Variants in LRRTM4 observed in about 807,000 individuals in gnomAD.
LRRTM4 encodes the protein leucine-rich repeat transmembrane neuronal protein 4.
A neutral mutation model predicts 47.6 loss-of-function variants in LRRTM4; 25 were observed. The ratio of observed to expected loss-of-function variants is 0.53; its 90% CI spans 0.38 to 0.73. LRRTM4 has a LOEUF of 0.73. Among genes scored for constraint, LRRTM4 ranks in the 30% least tolerant of loss-of-function variants. LRRTM4 has a pLI of 0.00. For missense variants in LRRTM4, 638 were observed against 713.4 expected (o/e 0.89, Z 1.20); for synonymous variants, 311 against 269.5 (o/e 1.15, Z -1.51).
intron 3 of LRRTM4, among the ~76,000 whole-genome samples, chr2:76,881,939 T>A (rs1447549306): frequency 5.9e-5 from 9 of 151,892 alleles, no homozygotes; most frequent in Non-Finnish European, 1.0e-4. Flanking sequence ...TGAATCTCTT[T>A]ACTTAACTTC....
At chr2:77,487,493 A>C (rs1677964720) in intron 3 of LRRTM4, among the ~76,000 whole-genome samples, 1 of 152,126 alleles carries the variant, frequency 6.6e-6, no homozygotes. Flanking sequence ...CCACGAACGC[A>C]GGAGAGAAGC....
Position 76,830,106 on chromosome 2 carries a change from A to C in LRRTM4, c.1552-81190T>G, listed in dbSNP as rs376882481. On this transcript the variant is annotated intron_variant, in intron 3 of 3. Transcript: ENST00000409884. ...TTCCCCAACAGAAAAAAAACACCTC[A>C]TCATTTTACATGTCAGAAGTAACAG... 2.5e-3 allele frequency among the ~76,000 whole-genome samples: 374 copies of C among 152,144 alleles called. 1 individual carries two copies. Among genetic ancestry groups the C allele is most frequent in the African/African-American group, 8.5e-3 (355 of 41,532 alleles).
chr2:77,153,728 T>C (rs1672487752), intron 3 of LRRTM4, among the ~76,000 whole-genome samples: 1 of 152,148 alleles, frequency 6.6e-6, no homozygotes, highest in African/African-American at 2.4e-5. Flanking sequence ...GATTTTTACC[T>C]AGGGGAAAAC....
intron 3 of LRRTM4, among the ~76,000 whole-genome samples, chr2:77,041,757 T>C (rs893515149): frequency 6.9e-6 from 1 of 145,778 alleles, no homozygotes; most frequent in Non-Finnish European, 1.6e-5. Context: ...TTCTTTTTGC[T>C]AGTGAATTGT....
At chr2:76,941,997 T>A (rs1282595094) in intron 3 of LRRTM4, among the ~76,000 whole-genome samples, 4 of 152,106 alleles carry the variant, frequency 2.6e-5, no homozygotes, top group Admixed American at 2.6e-4. Context: ...TTTTTAATGA[T>A]CCCCATTCTA....
At chr2:77,065,672 A>G (rs767741524) in intron 3 of LRRTM4, among the ~76,000 whole-genome samples, 46 of 152,286 alleles carry the variant, frequency 3.0e-4, no homozygotes, top group Non-Finnish European at 6.0e-4. Flanking sequence ...TAGGAAACAG[A>G]GTGTAACACA....
intron 3 of LRRTM4, among the ~76,000 whole-genome samples, chr2:77,368,873 T>G (rs1384379964): frequency 3.3e-5 from 5 of 151,742 alleles, no homozygotes; most frequent in Non-Finnish European, 1.5e-5. Context: ...GAAGAATTGC[T>G]AGATCGCATG....
chr2:76,828,253 C>T (rs923454706), intron 3 of LRRTM4, among the ~76,000 whole-genome samples: 3 of 151,866 alleles, frequency 2.0e-5, no homozygotes, highest in Admixed American at 6.6e-5. Context: ...GCTGCTTCCT[C>T]CAAAATTGCA....
chr2:77,080,621 A>C (rs1017839494), intron 3 of LRRTM4, among the ~76,000 whole-genome samples: 1 of 151,532 alleles, frequency 6.6e-6, no homozygotes, highest in Non-Finnish European at 1.5e-5. Context: ...GGTTCAAACT[A>C]AACACTTTAA....
chr2:77,412,958 A>G (rs1674499041), intron 3 of LRRTM4, among the ~76,000 whole-genome samples: 1 of 152,144 alleles, frequency 6.6e-6, no homozygotes, highest in African/African-American at 2.4e-5. Context: ...ATCATTGTTC[A>G]GCAATTTACT....
intron 3 of LRRTM4, among the ~76,000 whole-genome samples, chr2:76,789,051 GCTTTTT>G (rs1674830359): frequency 6.6e-6 from 1 of 152,092 alleles, no homozygotes; most frequent in Non-Finnish European, 1.5e-5. Flanking sequence ...TGCATGCTGT[GCTTTTT>G]CTATTACAAA....
At chr2:77,470,117 G>T (rs1275507148) in intron 3 of LRRTM4, among the ~76,000 whole-genome samples, 1 of 152,262 alleles carries the variant, frequency 6.6e-6, no homozygotes, top group East Asian at 1.9e-4. Context: ...CCGACCAGCA[G>T]GGGCATATAT....
chr2:77,300,001 G>C (rs569507580), intron 3 of LRRTM4, among the ~76,000 whole-genome samples: 57 of 151,902 alleles, frequency 3.8e-4, no homozygotes, highest in Non-Finnish European at 6.3e-4. Flanking sequence ...ACAGGCATGC[G>C]CCACCACGCC....
chr2:77,468,229 T>C (rs62162632), intron 3 of LRRTM4, among the ~76,000 whole-genome samples: 10,265 of 152,228 alleles, frequency 0.067, 508 homozygotes, highest in Admixed American at 0.17. Flanking sequence ...ATTATTTATA[T>C]GTTTAGGTAT....
chr2:77,351,796 A>G (rs1431821723), intron 3 of LRRTM4, among the ~76,000 whole-genome samples: 1 of 151,990 alleles, frequency 6.6e-6, no homozygotes, highest in Non-Finnish European at 1.5e-5. Flanking sequence ...TGAGGAACAA[A>G]AAGATCACAC....
chr2:77,075,500 C>G (rs919622679), intron 3 of LRRTM4, among the ~76,000 whole-genome samples: 17 of 152,172 alleles, frequency 1.1e-4, no homozygotes, highest in Admixed American at 2.0e-4. Flanking sequence ...ACTAATACTA[C>G]TACTTAGGAT....
rs368462334 is a variant in LRRTM4 at position 76,795,550 on chromosome 2, TATATGC to T, written c.1552-46640_1552-46635del. On this transcript the variant is annotated intron_variant, in intron 3 of 3. Coordinates refer to ENST00000409884, the MANE Select transcript of LRRTM4 (RefSeq NM_001134745.3). ...CATATATACCATATGCATATACATG[TATATGC>T]ATATATACATGTGCATATATATGCA... Among the ~76,000 whole-genome samples the T allele has an allele frequency of 2.5e-3, 372 of 151,264 alleles. 2 individuals are homozygous for T. The highest frequency in any genetic ancestry group is 0.021 in the Middle Eastern group (6 of 292).
At chr2:77,073,663 A>G (rs1436721506) in intron 3 of LRRTM4, among the ~76,000 whole-genome samples, 2 of 152,144 alleles carry the variant, frequency 1.3e-5, no homozygotes, top group Non-Finnish European at 2.9e-5. Flanking sequence ...ATTGAAAAAT[A>G]TGGGTATAAT....
intron 3 of LRRTM4, among the ~76,000 whole-genome samples, chr2:77,321,985 G>T (rs957316500): frequency 3.9e-5 from 6 of 152,116 alleles, no homozygotes; most frequent in African/African-American, 7.2e-5. Flanking sequence ...TGAAATTTAA[G>T]ATATGAAATT....
Sources: allele counts gnomAD v4.1 joint callset (sites outside exome capture counted in the v4.1 genomes callset), GRCh38; gene constraint gnomAD v4.1.1; transcripts MANE v1.5; gene names NCBI Gene and HGNC (gene_info 2026-07-23, HGNC 2026-07-21).